PPFIA1: variants seen among roughly 807,000 people sequenced by gnomAD.
The protein encoded by PPFIA1 is PPFI scaffold protein A1, also known as liprin-alpha-1.
In PPFIA1, 25 loss-of-function variants were observed where a neutral mutation model predicts 149.9. That is an observed-to-expected ratio of 0.17 (90% CI 0.12 to 0.23). The LOEUF is 0.23. Ranked by LOEUF, PPFIA1 falls within the 10% of genes least tolerant of loss-of-function variation. The pLI is 1.00. For synonymous variants in PPFIA1, 549 were observed against 552.8 expected (o/e 0.99, Z 0.10); for missense variants, 1,362 against 1,506.5 (o/e 0.90, Z 1.59).
chr11:70,322,213 CTGTT>C (rs1386437405), intron 2 of PPFIA1, among the ~76,000 whole-genome samples: 2 of 152,190 alleles, frequency 1.3e-5, no homozygotes, highest in African/African-American at 4.8e-5. Flanking sequence ...TAGTTTGAGT[CTGTT>C]TGCTTTTTGC....
intron 17 of PPFIA1, among the ~76,000 whole-genome samples, chr11:70,355,062 G>C (rs1480982145): frequency 1.3e-5 from 2 of 151,948 alleles, no homozygotes; most frequent in Non-Finnish European, 2.9e-5. Flanking sequence ...ACACCACCAT[G>C]CCCGGCTAAT....
chr11:70,283,898 G>T (rs1019213514), intron 2 of PPFIA1: 6 of 473,396 alleles, frequency 1.3e-5, no homozygotes, highest in Non-Finnish European at 2.2e-5. Context: ...CCTCAACAAA[G>T]AATTATCTGG....
chr11:70,364,818 C>T (rs2056834948), intron 21 of PPFIA1: 1 of 152,268 alleles, frequency 6.6e-6, no homozygotes, highest in Admixed American at 6.5e-5. Flanking sequence ...CTCTTCACAC[C>T]ATGTCAAAAT....
At chr11:70,341,684 C>A (rs143146928) in intron 14 of PPFIA1, among the ~76,000 whole-genome samples, 17 of 152,288 alleles carry the variant, frequency 1.1e-4, no homozygotes, top group Non-Finnish European at 2.2e-4. Flanking sequence ...GACACCACCT[C>A]ATGGGTGCCT....
intron 2 of PPFIA1, among the ~76,000 whole-genome samples, chr11:70,284,953 A>C (rs2051006806): frequency 6.6e-6 from 1 of 152,014 alleles, no homozygotes; most frequent in Admixed American, 6.6e-5. Flanking sequence ...TCGTGGCCTC[A>C]GGGGAGGGAA....
At chr11:70,375,181 T>TAAA (rs372735947) in intron 24 of PPFIA1, 88 bp downstream of exon 24, 874 of 140,952 alleles carry the variant, frequency 6.2e-3, no homozygotes, top group Middle Eastern at 0.016. Flanking sequence ...AAAGAAACTT[T>TAAA]AAAAAAAAAA....
intron 9 of PPFIA1, among the ~76,000 whole-genome samples, 155 bp from the exon 10 acceptor site, chr11:70,333,315 C>T (rs954609837): frequency 2.6e-5 from 4 of 152,188 alleles, no homozygotes; most frequent in Admixed American, 1.3e-4. Context: ...CGTGAAGCCC[C>T]GTAGGCTGTG....
intron 10 of PPFIA1, chr11:70,334,590 A>G (rs1011052674): frequency 6.6e-6 from 1 of 152,262 alleles, no homozygotes; most frequent in Non-Finnish European, 1.5e-5. Context: ...AAGAGGAAGT[A>G]TGCGATACTC....
At chr11:70,352,717 G>A (rs1180978821) in intron 16 of PPFIA1, among the ~76,000 whole-genome samples, 2 of 150,136 alleles carry the variant, frequency 1.3e-5, no homozygotes, top group Non-Finnish European at 3.0e-5. Context: ...ACTACAGCGT[G>A]TGGAGGGGTG....
intron 2 of PPFIA1, among the ~76,000 whole-genome samples, chr11:70,299,270 G>A (rs1043231306): frequency 4.6e-5 from 7 of 152,138 alleles, no homozygotes; most frequent in African/African-American, 1.7e-4. Context: ...TTCTGGGTAG[G>A]CCTTTTGTTA....
intron 2 of PPFIA1, among the ~76,000 whole-genome samples, chr11:70,296,257 G>GC (rs961446330): frequency 4.6e-5 from 7 of 152,030 alleles, no homozygotes; most frequent in African/African-American, 1.7e-4. Context: ...AGGCAGAGAC[G>GC]CTCCTCACTT....
intron 2 of PPFIA1, among the ~76,000 whole-genome samples, chr11:70,296,205 G>T (rs1165515551): frequency 3.3e-5 from 5 of 151,256 alleles, no homozygotes; most frequent in African/African-American, 1.2e-4. Context: ...AGACTCGGCA[G>T]CCAGGCAGAG....
At chr11:70,348,153 G>T (rs61887408) in intron 15 of PPFIA1, 36 bp from the exon 16 acceptor site, 1 of 1,594,616 alleles carries the variant, frequency 6.3e-7, no homozygotes, top group African/African-American at 1.3e-5. Flanking sequence ...TCTGTTTGCC[G>T]AAACAGGAGG....
At chr11:70,354,199 A>G (rs1565437546) in intron 16 of PPFIA1, 102 bp from the exon 17 acceptor site, 7 of 1,232,874 alleles carry the variant, frequency 5.7e-6, no homozygotes, top group East Asian at 4.7e-5. Context: ...GCTGGCAGAA[A>G]GCACAGCAAA....
At chr11:70,308,081 T>C (rs1370954520) in intron 2 of PPFIA1, among the ~76,000 whole-genome samples, 1 of 152,226 alleles carries the variant, frequency 6.6e-6, no homozygotes, top group Non-Finnish European at 1.5e-5. Context: ...GGAGTTTTGC[T>C]CTTGTTGCCT....
chr11:70,382,249 T>C (rs1159481841), intron 27 of PPFIA1, 91 bp downstream of exon 27: 6 of 871,026 alleles, frequency 6.9e-6, no homozygotes, highest in African/African-American at 1.7e-5. Flanking sequence ...GTGTGGACCA[T>C]GAAAGCCAGT....
chr11:70,381,989 G>C, intron 26 of PPFIA1, 99 bp from the exon 27 acceptor site: 3 of 1,022,890 alleles, frequency 2.9e-6, no homozygotes, highest in East Asian at 2.5e-5. Flanking sequence ...AGGCACTGCT[G>C]TAGGTGTGAA....
At chr11:70,319,003 A>T (rs569713839) in intron 2 of PPFIA1, among the ~76,000 whole-genome samples, 5 of 152,298 alleles carry the variant, frequency 3.3e-5, no homozygotes, top group Non-Finnish European at 7.3e-5. Flanking sequence ...TCTCTACAAC[A>T]CACCCAAAAA....
intron 2 of PPFIA1, among the ~76,000 whole-genome samples, chr11:70,278,569 T>C (rs992752708): frequency 2.6e-5 from 4 of 152,224 alleles, no homozygotes; most frequent in Non-Finnish European, 4.4e-5. Flanking sequence ...TTACTGAGTT[T>C]ATCCACCAGA....
Sources: allele counts gnomAD v4.1 joint callset (sites outside exome capture counted in the v4.1 genomes callset), GRCh38; gene constraint gnomAD v4.1.1; transcripts MANE v1.5; gene names NCBI Gene and HGNC (gene_info 2026-07-23, HGNC 2026-07-21).